Variants in PI4K2B observed in about 807,000 individuals in gnomAD.
PI4K2B encodes phosphatidylinositol 4-kinase type 2-beta.
Under a neutral mutation model 56.6 loss-of-function variants are expected in PI4K2B, and 46 were observed. The observed-to-expected ratio is 0.81, with a 90% CI of 0.64 to 1.04. PI4K2B has a LOEUF of 1.04. PI4K2B is among the 50% of genes least tolerant of loss of function. The pLI is 0.00. For missense variants in PI4K2B, 556 were observed against 607.7 expected, an observed-to-expected ratio of 0.91 and a Z score of 0.89; for synonymous variants, 211 against 223.8, an observed-to-expected ratio of 0.94 and a Z score of 0.51.
chr4:25,249,532 CT>C (rs1366139086), intron 1 of PI4K2B, among the ~76,000 whole-genome samples: 2 of 131,166 alleles, frequency 1.5e-5, no homozygotes, highest in Non-Finnish European at 3.3e-5. Flanking sequence ...GGGCTCCTCA[CT>C]TCCCAGATGG....
chr4:25,276,349 A>C (rs1319888634), intron 9 of PI4K2B: 1 of 346,158 alleles, frequency 2.9e-6, no homozygotes, highest in Non-Finnish European at 4.1e-6. Flanking sequence ...TTTTCTTAAG[A>C]GTAAACTCTT....
chr4:25,252,888 C>A (rs1716118820), intron 2 of PI4K2B, among the ~76,000 whole-genome samples: 1 of 152,196 alleles, frequency 6.6e-6, no homozygotes. Context: ...GTTGAGATTA[C>A]AGGTGTGAGC....
Position 25,234,445 on chromosome 4 carries a change from C to T in PI4K2B, c.268+14C>T, listed in dbSNP as rs1715152152. 1 of 1,278,116 alleles carries T rather than the reference C, an allele frequency of 7.8e-7. No homozygotes were observed. Among genetic ancestry groups the T allele is most frequent in the African/African-American group, 1.5e-5 (1 of 64,658 alleles). 79.2% of individuals were successfully genotyped at this position (1,278,116 alleles called of 1,614,324 possible). ...CCGCGGTTTCAGGTGCGACCCGGCCCTGCCCCACTCCCCGCGCCCCTCCGG... is the reference window on the plus strand; with the variant it reads ...CCGCGGTTTCAGGTGCGACCCGGCCTTGCCCCACTCCCCGCGCCCCTCCGG... On this transcript the variant is annotated intron_variant, in intron 1 of 9. Coordinates refer to ENST00000264864, the MANE Select transcript of PI4K2B (RefSeq NM_018323.4).
chr4:25,260,533 A>G lies in PI4K2B; in HGVS notation c.920A>G (p.Asn307Ser). Residue 307 changes from asparagine to serine, a missense_variant, in exon 6 of 10, where the codon AAT (asparagine) becomes AGT (serine). Transcript: ENST00000264864. Reference protein sequence around the residue: ...DYIIRNTDRGNDNWLVRYEKQ... With the variant: ...DYIIRNTDRGSDNWLVRYEKQ... ...TTGTTTGTTTTGAAAGACAGGGGCA[A>G]TGATAATTGGTTAGTCAGATACGAA... is the stretch of plus-strand genomic sequence containing the variant. The G allele has an allele frequency of 6.9e-7, 1 of 1,443,806 alleles. No individual in the cohort carries two copies. Among genetic ancestry groups the G allele is most frequent in the Non-Finnish European group, 9.2e-7 (1 of 1,085,852 alleles). 89.4% of individuals were successfully genotyped at this position (1,443,806 alleles called of 1,614,324 possible). A position where few individuals can be genotyped will look rare whatever the true frequency, so the allele number is the denominator to read the frequency against.
Position 25,253,987 on chromosome 4 carries a change from G to A in PI4K2B, c.424-1078G>A, listed in dbSNP as rs549594312. 8.3e-4 allele frequency among the ~76,000 whole-genome samples: 126 copies of A among 152,238 alleles called. 1 individual carries two copies. Among genetic ancestry groups the A allele is most frequent in the African/African-American group, 2.8e-3 (116 of 41,542 alleles). On this transcript the variant is annotated intron_variant, in intron 2 of 9. Coordinates refer to ENST00000264864, the MANE Select transcript of PI4K2B (RefSeq NM_018323.4). Reference sequence around the variant, plus strand: ...GGATTTCCCCATGTTGACCAGGCTGGTCTCCTGACCTCAAGTGATCTGCTC... The same window carrying A: ...GGATTTCCCCATGTTGACCAGGCTGATCTCCTGACCTCAAGTGATCTGCTC...
chr4:25,278,723 C>A lies in PI4K2B; in HGVS notation c.*1536C>A, dbSNP rs1046023. The A allele has an allele frequency of 0.012, 1,786 of 152,624 alleles. 15 individuals are homozygous for A. The highest frequency in any genetic ancestry group is 0.02 in the Middle Eastern group (6 of 294). The allele number at this position is 152,624 out of a possible 1,614,324, so 9.5% of individuals were successfully genotyped here. On this transcript the variant is annotated 3_prime_UTR_variant, in exon 10 of 10. Transcript: ENST00000264864. ...TATAAACACTAGTAATTAAAATGTG[C>A]CTTTTGAAGATGTTTTCTAAGAGAA... is the stretch of plus-strand genomic sequence containing the variant.
At chr4:25,252,270 A>G (rs774997248) in intron 1 of PI4K2B, 51 bp from the exon 2 acceptor site, 1 of 1,364,568 alleles carries the variant, frequency 7.3e-7, no homozygotes, top group South Asian at 1.2e-5. Flanking sequence ...AATCGATATT[A>G]CAGGTCCATA....
intron 1 of PI4K2B, among the ~76,000 whole-genome samples, chr4:25,248,597 G>GT (rs1715896175): frequency 1.1e-4 from 8 of 72,654 alleles, no homozygotes; most frequent in African/African-American, 2.7e-4. Flanking sequence ...CATGATGTAT[G>GT]GTTTTTTTTT....
At chr4:25,272,469 G>A (rs1311122021) in intron 9 of PI4K2B, among the ~76,000 whole-genome samples, 1 of 152,112 alleles carries the variant, frequency 6.6e-6, no homozygotes, top group Non-Finnish European at 1.5e-5. Context: ...ACATGACTAT[G>A]TAGCTCTCTG....
intron 1 of PI4K2B, among the ~76,000 whole-genome samples, chr4:25,252,106 C>T (rs757764699): frequency 1.2e-4 from 18 of 152,236 alleles, no homozygotes; most frequent in Non-Finnish European, 2.1e-4. Context: ...GGATTACAGG[C>T]GTGAGCCACT....
rs145991351 is a variant in PI4K2B at position 25,238,964 on chromosome 4, A to G, written c.268+4533A>G. 0.015 allele frequency among the ~76,000 whole-genome samples: 2,200 copies of G among 150,570 alleles called. 123 individuals carry two copies. The East Asian group carries it at 0.18, about 12-fold the overall frequency. Reference sequence around the variant, plus strand: ...TGTTTTACAGAGAGCTGATTGGTCCATTTTGACAGGGTGCTGATTGGTGCG... The same window carrying G: ...TGTTTTACAGAGAGCTGATTGGTCCGTTTTGACAGGGTGCTGATTGGTGCG... On this transcript the variant is annotated intron_variant, in intron 1 of 9. Coordinates refer to ENST00000264864, the MANE Select transcript of PI4K2B (RefSeq NM_018323.4).
At chr4:25,254,219 C>T (rs10006479) in intron 2 of PI4K2B, among the ~76,000 whole-genome samples, 78,780 of 152,036 alleles carry the variant, frequency 0.52, 21,536 homozygotes, top group Non-Finnish European at 0.61. Flanking sequence ...CTTGGATGTC[C>T]ACTGTTCATC....
chr4:25,267,665 C>T (rs1716715898), intron 7 of PI4K2B: 1 of 463,464 alleles, frequency 2.2e-6, no homozygotes, highest in South Asian at 9.3e-5. Context: ...AAAAACCTTA[C>T]ACTCTTGCAG....
Position 25,277,002 on chromosome 4 carries a change from T to G in PI4K2B, c.1273-12T>G. The G allele has an allele frequency of 1.0e-5, 16 of 1,528,048 alleles. No individual in the cohort carries two copies. Among genetic ancestry groups the G allele is most frequent in the Non-Finnish European group, 1.4e-5 (16 of 1,126,114 alleles). 94.7% of individuals were successfully genotyped at this position (1,528,048 alleles called of 1,614,324 possible). A position where few individuals can be genotyped will look rare whatever the true frequency, so the allele number is the denominator to read the frequency against. ...CTTTTTAAATTGGTAAAAATCTCTC[T>G]TCTTCCCACAGATCTTAAACCTTAC... On this transcript the variant is annotated splice_polypyrimidine_tract_variant and intron_variant, in intron 9 of 9. Coordinates refer to ENST00000264864, the MANE Select transcript of PI4K2B (RefSeq NM_018323.4).
At chr4:25,243,587 C>T (rs1444740796) in intron 1 of PI4K2B, among the ~76,000 whole-genome samples, 2 of 152,154 alleles carry the variant, frequency 1.3e-5, no homozygotes, top group African/African-American at 4.8e-5. Flanking sequence ...TGTTCAGGGC[C>T]CAGGCCTTGC....
Position 25,278,332 on chromosome 4 carries a change from T to G in PI4K2B, c.*1145T>G, listed in dbSNP as rs1717177754. 1.3e-5 allele frequency: 2 copies of G among 152,244 alleles called. No homozygotes were observed. The highest frequency in any genetic ancestry group is 4.1e-4 in the South Asian group (2 of 4,834). The allele number at this position is 152,244 out of a possible 1,614,324, so 9.4% of individuals were successfully genotyped here. A position where few individuals can be genotyped will look rare whatever the true frequency, so the allele number is the denominator to read the frequency against. ...GATTTAAATTCAATTGATGAAGATGTGATTTTACAGAAGCAGAAGTTTCAT... is the reference window on the plus strand; with the variant it reads ...GATTTAAATTCAATTGATGAAGATGGGATTTTACAGAAGCAGAAGTTTCAT... On this transcript the variant is annotated 3_prime_UTR_variant, in exon 10 of 10. Transcript: ENST00000264864.
At chr4:25,269,637 C>T (rs1716798989) in intron 9 of PI4K2B, among the ~76,000 whole-genome samples, 1 of 143,600 alleles carries the variant, frequency 7.0e-6, no homozygotes, top group Non-Finnish European at 1.5e-5. Flanking sequence ...AAAACTCCAT[C>T]TCAAAAAAAA....
intron 1 of PI4K2B, among the ~76,000 whole-genome samples, chr4:25,251,735 C>T (rs1156480839): frequency 1.3e-5 from 2 of 152,148 alleles, no homozygotes; most frequent in Non-Finnish European, 2.9e-5. Context: ...ATGATAGAAT[C>T]ATTGCAGGAC....
At chr4:25,259,910 G>A (rs1001277817) in intron 5 of PI4K2B, among the ~76,000 whole-genome samples, 2 of 152,162 alleles carry the variant, frequency 1.3e-5, no homozygotes, top group African/African-American at 4.8e-5. Context: ...TGTTAAACAT[G>A]CATCTTCTCA....
Sources: gnomAD v4.1 joint callset for allele counts (sites outside exome capture counted in the v4.1 genomes callset) on GRCh38, gnomAD v4.1.1 for gene constraint, MANE v1.5 for transcripts, NCBI Gene and HGNC (gene_info 2026-07-23, HGNC 2026-07-21) for gene names.